Variants in VTI1A observed in about 807,000 individuals in gnomAD.
VTI1A encodes vesicle transport through interaction with t-SNAREs homolog 1A.
In VTI1A, 22 loss-of-function variants were observed where a neutral mutation model predicts 34.9. The ratio of observed to expected loss-of-function variants is 0.63; its 90% CI spans 0.45 to 0.90. The LOEUF is 0.90. Among genes scored for constraint, VTI1A ranks in the 40% least tolerant of loss-of-function variants. The pLI is 0.00. For missense variants in VTI1A, 268 were observed against 275.6 expected, an observed-to-expected ratio of 0.97 and a Z score of 0.20; for synonymous variants, 87 against 97.3, an observed-to-expected ratio of 0.89 and a Z score of 0.62.
At chr10:112,807,937 G>A (rs1853145105) in intron 7 of VTI1A, among the ~76,000 whole-genome samples, 1 of 152,112 alleles carries the variant, frequency 6.6e-6, no homozygotes, top group African/African-American at 2.4e-5. Flanking sequence ...GCATGGTGGT[G>A]GCTCAGCATG....
intron 5 of VTI1A, among the ~76,000 whole-genome samples, chr10:112,663,694 G>A (rs941924591): frequency 6.6e-6 from 1 of 152,156 alleles, no homozygotes; most frequent in Non-Finnish European, 1.5e-5. Flanking sequence ...TATGCTAAAT[G>A]CCAAAGAGTG....
chr10:112,451,663 A>G (rs1425251736), intron 1 of VTI1A, among the ~76,000 whole-genome samples: 3 of 152,270 alleles, frequency 2.0e-5, no homozygotes, highest in Admixed American at 2.0e-4. Context: ...AGTCTAGTGG[A>G]TTGGTTATGC....
At chr10:112,515,203 C>T (rs2134189726) in intron 3 of VTI1A, among the ~76,000 whole-genome samples, 1 of 151,892 alleles carries the variant, frequency 6.6e-6, no homozygotes, top group South Asian at 2.1e-4. Context: ...TTTATGATTC[C>T]ACAAGTCCAA....
rs937475107 is a variant in VTI1A, at chr10:112,660,393, C to T, written c.428-7825C>T. 1.6e-4 allele frequency among the ~76,000 whole-genome samples: 24 copies of T among 152,246 alleles called. 1 individual carries two copies. The highest frequency in any genetic ancestry group is 1.2e-3 in the Admixed American group (19 of 15,300). On this transcript the variant is annotated intron_variant, in intron 5 of 7. Transcript: ENST00000393077. Reference sequence around the variant, plus strand: ...GATTACAGGCGTGAGCCACCATGCCCGGCCCAAGTTCTAATATTTTAAAGC... The same window carrying T: ...GATTACAGGCGTGAGCCACCATGCCTGGCCCAAGTTCTAATATTTTAAAGC...
intron 2 of VTI1A, among the ~76,000 whole-genome samples, chr10:112,462,474 A>C (rs891124977): frequency 2.6e-5 from 4 of 152,178 alleles, no homozygotes; most frequent in African/African-American, 9.7e-5. Context: ...TTGGCTTGCA[A>C]GTATTTTTGC....
At chr10:112,531,063 T>TCACACACACACACACACACA (rs10670312) in intron 4 of VTI1A, among the ~76,000 whole-genome samples, 23 of 139,920 alleles carry the variant, frequency 1.6e-4, no homozygotes, top group East Asian at 1.3e-3. Flanking sequence ...GTGACACACC[T>TCACACACACACACACACACA]CACACACACA....
chr10:112,752,561 G>A (rs894079709), intron 7 of VTI1A: 1 of 985,316 alleles, frequency 1.0e-6, no homozygotes, highest in Non-Finnish European at 1.2e-6. Flanking sequence ...GGGGGAACAT[G>A]CTTTGGAAAA....
intron 7 of VTI1A, among the ~76,000 whole-genome samples, chr10:112,693,520 C>T (rs1354615304): frequency 3.3e-5 from 5 of 152,026 alleles, no homozygotes; most frequent in African/African-American, 1.2e-4. Flanking sequence ...GCATTCCAGT[C>T]TGGACAACAA....
chr10:112,824,587 T>C, the VTI1A span: 1 of 152,300 alleles, frequency 6.6e-6, no homozygotes, highest in Non-Finnish European at 1.5e-5. Flanking sequence ...ATACCACTTC[T>C]GGGTCCAGAT....
intron 5 of VTI1A, among the ~76,000 whole-genome samples, chr10:112,571,616 C>T (rs1852125016): frequency 6.6e-6 from 1 of 152,130 alleles, no homozygotes; most frequent in Admixed American, 6.5e-5. Flanking sequence ...TACCATTCCA[C>T]CTGGCAATCC....
chr10:112,836,698 C>T, the VTI1A span, among the ~76,000 whole-genome samples: 1 of 152,086 alleles, frequency 6.6e-6, no homozygotes, highest in African/African-American at 2.4e-5. Context: ...ATTTCAGTTA[C>T]AAAATGAAAT....
At chr10:112,644,023 G>A (rs1846681343) in intron 5 of VTI1A, among the ~76,000 whole-genome samples, 1 of 152,020 alleles carries the variant, frequency 6.6e-6, no homozygotes, top group Admixed American at 6.6e-5. Flanking sequence ...AGTCCTGATG[G>A]TTGTGATGTG....
chr10:112,630,145 G>T (rs1269190133), intron 5 of VTI1A, among the ~76,000 whole-genome samples: 1 of 152,188 alleles, frequency 6.6e-6, no homozygotes, highest in African/African-American at 2.4e-5. Context: ...ATTATTAGGG[G>T]TTCCTTTCTA....
intron 5 of VTI1A, among the ~76,000 whole-genome samples, chr10:112,632,529 A>C (rs1419502515): frequency 6.6e-6 from 1 of 152,212 alleles, no homozygotes; most frequent in Non-Finnish European, 1.5e-5. Context: ...GCTCTGCCCC[A>C]CTTACTCAAG....
intron 5 of VTI1A, among the ~76,000 whole-genome samples, chr10:112,614,078 A>G (rs1453248327): frequency 6.6e-6 from 1 of 152,078 alleles, no homozygotes; most frequent in African/African-American, 2.4e-5. Flanking sequence ...TAGAGGAAGT[A>G]ATGCACATAG....
intron 3 of VTI1A, 140 bp from the exon 4 acceptor site, chr10:112,526,947 C>T: frequency 1.6e-6 from 1 of 643,646 alleles, no homozygotes; most frequent in South Asian, 2.3e-5. Flanking sequence ...CTTTACACAA[C>T]TTTGGTGTGC....
chr10:112,683,898 C>T (rs1848307242), intron 7 of VTI1A, among the ~76,000 whole-genome samples: 1 of 152,084 alleles, frequency 6.6e-6, no homozygotes, highest in Non-Finnish European at 1.5e-5. Context: ...CAAAAATTGG[C>T]CGGGCATATT....
chr10:112,554,304 G>T (rs1851469214), intron 5 of VTI1A, among the ~76,000 whole-genome samples: 1 of 152,104 alleles, frequency 6.6e-6, no homozygotes, highest in African/African-American at 2.4e-5. Context: ...AGGAACTTAA[G>T]GAAACTTAAC....
intron 5 of VTI1A, among the ~76,000 whole-genome samples, chr10:112,574,947 C>T (rs975462962): frequency 6.6e-6 from 1 of 152,164 alleles, no homozygotes; most frequent in African/African-American, 2.4e-5. Context: ...ATTTTCTCCT[C>T]AAAATGATTG....
Sources: allele counts gnomAD v4.1 joint callset (sites outside exome capture counted in the v4.1 genomes callset), GRCh38; gene constraint gnomAD v4.1.1; transcripts MANE v1.5; gene names NCBI Gene and HGNC (gene_info 2026-07-23, HGNC 2026-07-21).